The following MORC1 variants were observed in gnomAD, a reference collection of about 807,000 sequenced individuals.
MORC1 encodes the protein MORC family CW-type zinc finger protein 1.
In MORC1, 59 loss-of-function variants were observed where a neutral mutation model predicts 134.9. The observed-to-expected ratio is 0.44, with a 90% CI of 0.35 to 0.54. The LOEUF is 0.54. MORC1 is among the 20% of genes least tolerant of loss of function. The pLI is 0.00. For missense variants in MORC1, 947 were observed against 1,134.5 expected (o/e 0.83, Z 2.37); for synonymous variants, 395 against 391.7 (o/e 1.01, Z -0.10).
At chr3:109,048,374 G>A (rs568691930) in intron 14 of MORC1, among the ~76,000 whole-genome samples, 2 of 152,214 alleles carry the variant, frequency 1.3e-5, no homozygotes, top group East Asian at 1.9e-4. Flanking sequence ...AATACTTAGG[G>A]ATATAATTAT....
At chr3:108,968,831 C>G (rs1027889249) in intron 26 of MORC1, among the ~76,000 whole-genome samples, 3 of 152,152 alleles carry the variant, frequency 2.0e-5, no homozygotes, top group African/African-American at 7.2e-5. Context: ...CAGTATTGAT[C>G]CTGGTGTCAA....
At chr3:109,020,573 T>C (rs1222343820) in intron 17 of MORC1, among the ~76,000 whole-genome samples, 1 of 152,106 alleles carries the variant, frequency 6.6e-6, no homozygotes, top group African/African-American at 2.4e-5. Context: ...GAGACCATCC[T>C]GGCTAACACG....
intron 24 of MORC1, among the ~76,000 whole-genome samples, chr3:108,978,330 G>T: frequency 6.6e-6 from 1 of 152,158 alleles, no homozygotes; most frequent in East Asian, 1.9e-4. Flanking sequence ...TGTATTCATT[G>T]CTCCATCAAC....
rs770595520 is a variant in MORC1, at chr3:109,069,717, G to A, written c.730C>T (p.Leu244=). 2.5e-6 allele frequency: 4 copies of A among 1,612,384 alleles called. No individual in the cohort carries two copies. Among genetic ancestry groups the A allele is most frequent in the Non-Finnish European group, 8.5e-7 (1 of 1,178,932 alleles). ...RWSFRAYTSV[L]YFNPWMRIFI... Reference sequence around the variant, plus strand: ...ATTCTCATCCATGGGTTAAAATACAGAACAGATGTGTAGGCTCTGAATGAC... The same window carrying A: ...ATTCTCATCCATGGGTTAAAATACAAAACAGATGTGTAGGCTCTGAATGAC... The change falls in exon 9 of 28, where the codon CTG becomes TTG. Residue 244 remains leucine (L), a synonymous_variant. Transcript: ENST00000232603.
At chr3:108,997,507 CA>C (rs1401638203) in intron 21 of MORC1, among the ~76,000 whole-genome samples, 3 of 151,618 alleles carry the variant, frequency 2.0e-5, no homozygotes, top group Admixed American at 6.6e-5. Flanking sequence ...GACTCTGTCT[CA>C]AAAAAATTTA....
Position 109,057,501 on chromosome 3 carries a change from AAAAAG to A in MORC1, c.1032-20_1032-16del. On this transcript the variant is annotated splice_polypyrimidine_tract_variant and intron_variant, in intron 12 of 27. Transcript: ENST00000232603. ...TTTTTAATTCTCTAGAGTTACATTT[AAAAAG>A]TTTAAAAAGTTGTTTATTAAATAAA... 1 of 1,550,846 alleles carries A rather than the reference AAAAAG, an allele frequency of 6.4e-7. No homozygotes were observed. The highest frequency in any genetic ancestry group is 1.3e-5 in the South Asian group (1 of 78,822).
chr3:109,053,675 G>A (rs940884923), intron 14 of MORC1, among the ~76,000 whole-genome samples: 4 of 152,178 alleles, frequency 2.6e-5, no homozygotes, highest in Non-Finnish European at 5.9e-5. Context: ...TGGGTACTAT[G>A]CTCAACACCA....
chr3:109,054,420 C>T (rs1009057366), intron 14 of MORC1, among the ~76,000 whole-genome samples: 2 of 152,166 alleles, frequency 1.3e-5, no homozygotes, highest in African/African-American at 4.8e-5. Flanking sequence ...AGTCCCAGTG[C>T]CCAGAGCAGG....
intron 22 of MORC1, among the ~76,000 whole-genome samples, chr3:108,985,013 CT>C (rs894738670): frequency 1.3e-5 from 2 of 151,858 alleles, no homozygotes; most frequent in Admixed American, 6.6e-5. Flanking sequence ...GAGAGTGTAG[CT>C]TTTTTTTGGT....
chr3:109,004,438 C>T (rs1265321776), intron 20 of MORC1, among the ~76,000 whole-genome samples: 1 of 152,078 alleles, frequency 6.6e-6, no homozygotes, highest in African/African-American at 2.4e-5. Flanking sequence ...AGCACTGCAC[C>T]TAGCACAGGG....
At chr3:109,060,654 T>C (rs937284424) in intron 11 of MORC1, among the ~76,000 whole-genome samples, 22 of 152,152 alleles carry the variant, frequency 1.4e-4, no homozygotes, top group Admixed American at 7.2e-4. Flanking sequence ...TTAAAATTCA[T>C]CTTCCCATAA....
intron 21 of MORC1, among the ~76,000 whole-genome samples, chr3:108,988,991 T>C (rs1391733245): frequency 6.6e-6 from 1 of 152,210 alleles, no homozygotes; most frequent in African/African-American, 2.4e-5. Context: ...TTTGCTGTAT[T>C]ATCTTTATTC....
chr3:109,043,547 G>C (rs577986794), intron 14 of MORC1, among the ~76,000 whole-genome samples: 42 of 152,034 alleles, frequency 2.8e-4, no homozygotes, highest in African/African-American at 9.6e-4. Flanking sequence ...ACTTAAAAGT[G>C]GTTAAGATGG....
chr3:108,970,034 G>A (rs1486388024), intron 25 of MORC1, among the ~76,000 whole-genome samples: 2 of 152,166 alleles, frequency 1.3e-5, no homozygotes, highest in South Asian at 2.1e-4. Flanking sequence ...GGGAGATGTC[G>A]AGAGCGCAGC....
At chr3:109,098,240 T>C (rs1950863999) in intron 6 of MORC1, among the ~76,000 whole-genome samples, 1 of 152,170 alleles carries the variant, frequency 6.6e-6, no homozygotes, top group Non-Finnish European at 1.5e-5. Context: ...GTTAAGAGGT[T>C]GTCTCTGTGG....
At chr3:109,078,645 AAAAT>A (rs1370023501) in intron 8 of MORC1, among the ~76,000 whole-genome samples, 1 of 151,902 alleles carries the variant, frequency 6.6e-6, no homozygotes, top group Non-Finnish European at 1.5e-5. Context: ...TAGAAAAAGA[AAAAT>A]AAACAAATCC....
chr3:109,037,091 G>A (rs984780209), intron 14 of MORC1, among the ~76,000 whole-genome samples: 5 of 152,106 alleles, frequency 3.3e-5, no homozygotes, highest in Non-Finnish European at 7.4e-5. Flanking sequence ...ATTCACTGAG[G>A]GGTTGACTTC....
chr3:109,033,243 T>C (rs1949280219), intron 15 of MORC1, among the ~76,000 whole-genome samples: 2 of 146,974 alleles, frequency 1.4e-5, no homozygotes, highest in African/African-American at 5.1e-5. Flanking sequence ...TCTCAACTAG[T>C]ATAAAATTAA....
At chr3:109,044,846 T>C (rs1553754458) in intron 14 of MORC1, among the ~76,000 whole-genome samples, 1 of 125,990 alleles carries the variant, frequency 7.9e-6, no homozygotes, top group Non-Finnish European at 1.8e-5. Flanking sequence ...TTGGGAGGCT[T>C]AGGCAGGAGA....
Sources: gnomAD v4.1 joint callset for allele counts (sites outside exome capture counted in the v4.1 genomes callset) on GRCh38, gnomAD v4.1.1 for gene constraint, MANE v1.5 for transcripts, NCBI Gene and HGNC (gene_info 2026-07-23, HGNC 2026-07-21) for gene names.